The following EYS variants were observed in gnomAD, a reference collection of about 807,000 sequenced individuals.
EYS encodes the protein EGF-like photoreceptor maintenance factor.
EYS carries 250 observed loss-of-function variants against 282.1 expected under a neutral mutation model. The observed-to-expected ratio is 0.89, with a 90% CI of 0.80 to 0.98. EYS has a LOEUF of 0.98. EYS is among the 50% of genes least tolerant of loss of function. The probability of loss-of-function intolerance (pLI) is 0.00; values close to 1 mark genes in which losing one functional copy is unlikely to be tolerated. For synonymous variants in EYS, 1,355 were observed against 1,282.9 expected (o/e 1.06, Z -1.20); for missense variants, 4,016 against 3,709.0 (o/e 1.08, Z -2.15).
intron 37 of EYS, among the ~76,000 whole-genome samples, chr6:63,800,113 G>C (rs2149676041): frequency 6.6e-6 from 1 of 152,338 alleles, no homozygotes. Flanking sequence ...TCTGTTCTCT[G>C]ACGGTTCTCA....
chr6:65,427,180 A>C (rs1767693907), intron 5 of EYS, among the ~76,000 whole-genome samples: 1 of 151,680 alleles, frequency 6.6e-6, no homozygotes, highest in Non-Finnish European at 1.5e-5. Context: ...CTGCCAGGGG[A>C]TTTCACTTCA....
intron 19 of EYS, among the ~76,000 whole-genome samples, chr6:64,882,290 C>T (rs1441216855): frequency 2.0e-5 from 3 of 151,802 alleles, no homozygotes; most frequent in African/African-American, 7.2e-5. Context: ...AAAAGTCACA[C>T]ATCGACTTGG....
At chr6:64,697,218 G>A (rs1210681914) in intron 22 of EYS, among the ~76,000 whole-genome samples, 1 of 151,982 alleles carries the variant, frequency 6.6e-6, no homozygotes, top group East Asian at 1.9e-4. Context: ...TAGAAAAAGA[G>A]ATTCCACACA....
At chr6:63,922,676 A>G (rs1392445780) in intron 35 of EYS, among the ~76,000 whole-genome samples, 1 of 152,226 alleles carries the variant, frequency 6.6e-6, no homozygotes, top group African/African-American at 2.4e-5. Flanking sequence ...ATACCTCACT[A>G]TTAATTTTCC....
intron 28 of EYS, among the ~76,000 whole-genome samples, chr6:64,408,628 G>A (rs977774626): frequency 6.6e-6 from 1 of 152,056 alleles, no homozygotes; most frequent in South Asian, 2.1e-4. Context: ...ATTTCTGTGA[G>A]AAAAAATACA....
At chr6:64,569,460 A>T (rs1765653040) in intron 26 of EYS, among the ~76,000 whole-genome samples, 1 of 151,952 alleles carries the variant, frequency 6.6e-6, no homozygotes, top group Non-Finnish European at 1.5e-5. Flanking sequence ...AATGAAAAGG[A>T]GCCGGGCGTG....
At chr6:64,933,065 T>C (rs766612178) in intron 15 of EYS, among the ~76,000 whole-genome samples, 1 of 152,016 alleles carries the variant, frequency 6.6e-6, no homozygotes, top group Non-Finnish European at 1.5e-5. Context: ...AGAAACTGCC[T>C]TTGAGGACAC....
At chr6:65,365,445 G>A (rs10944792) in intron 8 of EYS, among the ~76,000 whole-genome samples, 102,701 of 151,402 alleles carry the variant, frequency 0.68, 35,096 homozygotes, top group South Asian at 0.71. Flanking sequence ...GTGTGAGTGC[G>A]TATGTGTGGT....
chr6:64,662,018 C>T (rs1429546024), intron 22 of EYS, among the ~76,000 whole-genome samples: 1 of 151,878 alleles, frequency 6.6e-6, no homozygotes, highest in Non-Finnish European at 1.5e-5. Flanking sequence ...ATTAAGAAAA[C>T]ATGGCACATA....
chr6:64,338,653 CA>C (rs1156902752), intron 29 of EYS, among the ~76,000 whole-genome samples: 7 of 151,612 alleles, frequency 4.6e-5, no homozygotes, highest in Non-Finnish European at 7.4e-5. Flanking sequence ...CATATGGAAC[CA>C]AAAAAGAGCC....
intron 12 of EYS, among the ~76,000 whole-genome samples, chr6:65,071,122 C>CA (rs1471770400): frequency 6.6e-6 from 1 of 150,874 alleles, no homozygotes; most frequent in African/African-American, 2.4e-5. Context: ...TTACTAAAGC[C>CA]AAACAAAAGG....
At chr6:65,416,174 A>G (rs1416133093) in intron 5 of EYS, among the ~76,000 whole-genome samples, 1 of 151,952 alleles carries the variant, frequency 6.6e-6, no homozygotes, top group Admixed American at 6.6e-5. Flanking sequence ...GGAATCCTAG[A>G]AGGAACAAAT....
intron 13 of EYS, among the ~76,000 whole-genome samples, chr6:65,056,911 A>G (rs1342296830): frequency 6.6e-6 from 1 of 152,128 alleles, no homozygotes; most frequent in African/African-American, 2.4e-5. Context: ...GTTTAAATGG[A>G]TGTAAAAATA....
At chr6:65,103,617 T>C (rs1005442043) in intron 12 of EYS, among the ~76,000 whole-genome samples, 11 of 151,658 alleles carry the variant, frequency 7.3e-5, no homozygotes, top group African/African-American at 2.4e-4. Context: ...ACAAATAACA[T>C]TGTATTAGTG....
At chr6:64,147,657 T>C (rs948302943) in intron 31 of EYS, among the ~76,000 whole-genome samples, 4 of 152,164 alleles carry the variant, frequency 2.6e-5, no homozygotes, top group Non-Finnish European at 2.9e-5. Context: ...CAAGGAGGAC[T>C]CCACTTTACC....
intron 18 of EYS, among the ~76,000 whole-genome samples, chr6:64,893,388 A>C (rs143029286): frequency 2.0e-5 from 3 of 152,216 alleles, no homozygotes; most frequent in African/African-American, 7.2e-5. Context: ...GCATGTATGT[A>C]GTAACTACTG....
chr6:64,166,200 G>T (rs2150303929), intron 31 of EYS, among the ~76,000 whole-genome samples: 1 of 152,226 alleles, frequency 6.6e-6, no homozygotes, highest in South Asian at 2.1e-4. Flanking sequence ...GATAAATATA[G>T]ATCATAATGT....
intron 9 of EYS, among the ~76,000 whole-genome samples, chr6:65,353,109 A>C (rs1764350178): frequency 6.6e-6 from 1 of 151,560 alleles, no homozygotes; most frequent in Admixed American, 6.6e-5. Context: ...GCATTCATGG[A>C]ATGCTACCTG....
intron 12 of EYS, among the ~76,000 whole-genome samples, chr6:65,214,269 GA>G (rs1310434154): frequency 6.7e-6 from 1 of 149,168 alleles, no homozygotes; most frequent in Non-Finnish European, 1.5e-5. Flanking sequence ...AAAATTTGGT[GA>G]AAGAAATTAA....
Sources: gnomAD v4.1 joint callset for allele counts (sites outside exome capture counted in the v4.1 genomes callset) on GRCh38, gnomAD v4.1.1 for gene constraint, MANE v1.5 for transcripts, NCBI Gene and HGNC (gene_info 2026-07-23, HGNC 2026-07-21) for gene names.